Variants in CCDC50 observed in about 807,000 individuals in gnomAD.
CCDC50 encodes the protein coiled-coil domain-containing protein 50.
A neutral mutation model predicts 70.2 loss-of-function variants in CCDC50; 54 were observed. The observed-to-expected ratio is 0.77, with a 90% CI of 0.62 to 0.96. The LOEUF is 0.96. Among genes scored for constraint, CCDC50 ranks in the 50% least tolerant of loss-of-function variants. The pLI is 0.00. For missense variants in CCDC50, 558 were observed against 578.7 expected (o/e 0.96, Z 0.37); for synonymous variants, 216 against 198.8 (o/e 1.09, Z -0.73).
At chr3:191,349,966 A>ACCCCCCCCC (rs11454979) in intron 1 of CCDC50, among the ~76,000 whole-genome samples, 48 of 105,608 alleles carry the variant, frequency 4.5e-4, no homozygotes, top group Non-Finnish European at 7.1e-4. Context: ...ATTTAATAAT[A>ACCCCCCCCC]CCCCCCCCCT....
chr3:191,355,286 T>G (rs974898885), intron 1 of CCDC50, among the ~76,000 whole-genome samples: 1 of 152,234 alleles, frequency 6.6e-6, no homozygotes, highest in Non-Finnish European at 1.5e-5. Flanking sequence ...TAAAATAACA[T>G]TCTTTACACA....
At chr3:191,364,350 A>G (rs932610419) in intron 4 of CCDC50, among the ~76,000 whole-genome samples, 1 of 151,090 alleles carries the variant, frequency 6.6e-6, no homozygotes, top group Admixed American at 6.6e-5. Context: ...TATAGGTACG[A>G]GCCACCGCGC....
rs182909660 is a variant in CCDC50 at position 191,354,200 on chromosome 3, C to A, written c.50-2888C>A. ...AAACCCATGAACCTACCACCCACATCAAATGTTAATATTTTGCCTTATTGT... is the reference window on the plus strand; with the variant it reads ...AAACCCATGAACCTACCACCCACATAAAATGTTAATATTTTGCCTTATTGT... On this transcript the variant is annotated intron_variant, in intron 1 of 11. Coordinates refer to ENST00000392455, the MANE Select transcript of CCDC50 (RefSeq NM_178335.3). Among the ~76,000 whole-genome samples the A allele has an allele frequency of 1.0e-3, 153 of 152,306 alleles. 1 individual carries two copies. The highest frequency in any genetic ancestry group is 3.4e-3 in the Middle Eastern group (1 of 294).
chr3:191,380,586 C>T, intron 7 of CCDC50, 101 bp from the exon 8 acceptor site: 1 of 1,135,026 alleles, frequency 8.8e-7, no homozygotes, highest in South Asian at 1.3e-5. Flanking sequence ...GAACATGAGT[C>T]ACAATTATTT....
In CCDC50 at chr3:191,395,236, T is replaced by C. The variant is rs1009112534; in HGVS notation, c.*3476T>C. The C allele has an allele frequency of 2.0e-5, 3 of 152,130 alleles. No homozygotes were observed. Among genetic ancestry groups the C allele is most frequent in the South Asian group, 4.1e-4 (2 of 4,830 alleles). The allele number at this position is 152,130 out of a possible 1,614,324, so 9.4% of individuals were successfully genotyped here. On this transcript the variant is annotated 3_prime_UTR_variant, in exon 12 of 12. Transcript: ENST00000392455. ...TCCTGAAGCTGAGCTAGATGATGAGTAAATTCTTTGCTGACTGTTGCTCAT... is the reference window on the plus strand; with the variant it reads ...TCCTGAAGCTGAGCTAGATGATGAGCAAATTCTTTGCTGACTGTTGCTCAT...
At chr3:191,329,896 G>A (rs997758477) in intron 1 of CCDC50, among the ~76,000 whole-genome samples, 173 bp downstream of exon 1, 1 of 147,488 alleles carries the variant, frequency 6.8e-6, no homozygotes, top group Non-Finnish European at 1.5e-5. Context: ...TGGGACGTTG[G>A]GCAAGTCTCC....
chr3:191,393,846 C>A lies in CCDC50; in HGVS notation c.*2086C>A, dbSNP rs1713774418. 6.6e-6 allele frequency: 1 copy of A among 152,024 alleles called. No homozygotes were observed. The highest frequency in any genetic ancestry group is 6.5e-5 in the Admixed American group (1 of 15,274). 9.4% of individuals were successfully genotyped at this position (152,024 alleles called of 1,614,324 possible). ...CCCTGTGATTTCGCTTCGTGTCCTTCAAAGTTTTTTTATTGTAATTTTAAA... is the reference window on the plus strand; with the variant it reads ...CCCTGTGATTTCGCTTCGTGTCCTTAAAAGTTTTTTTATTGTAATTTTAAA... On this transcript the variant is annotated 3_prime_UTR_variant, in exon 12 of 12. Transcript: ENST00000392455.
At chr3:191,387,024 TTAA>T (rs1713520446) in intron 10 of CCDC50, among the ~76,000 whole-genome samples, 1 of 152,246 alleles carries the variant, frequency 6.6e-6, no homozygotes, top group South Asian at 2.1e-4. Flanking sequence ...TGCATTCTTA[TTAA>T]TGTGAAATAC....
At position 191,380,723 on chromosome 3, in the gene CCDC50, C is replaced by A; in HGVS notation, c.1129C>A (p.Gln377Lys). 1 of 1,612,616 alleles carries A rather than the reference C, an allele frequency of 6.2e-7. No individual in the cohort carries two copies. Among genetic ancestry groups the A allele is most frequent in the Non-Finnish European group, 8.5e-7 (1 of 1,179,196 alleles). ...GGACATGAGAGCCGCTCAAGTAGCT[C>A]AAGATGAAGTAAGTTAATGAGTTTA... The part of the protein sequence containing the change: ...QVDMRAAQVA[Q>K]DEEIARLLMA... Residue 377 changes from glutamine (Q) to lysine (K), a missense_variant, in exon 8 of 12, where the codon CAA becomes AAA. Coordinates refer to ENST00000392455, the MANE Select transcript of CCDC50 (RefSeq NM_178335.3).
In CCDC50 at chr3:191,393,494, C is replaced by T. The variant is rs917899222; in HGVS notation, c.*1734C>T. Reference sequence around the variant, plus strand: ...TTTCTCAGAGTGGATTTGGGTCTCTCATTTGAGAAAGATTTGTAGTTTCAA... The same window carrying T: ...TTTCTCAGAGTGGATTTGGGTCTCTTATTTGAGAAAGATTTGTAGTTTCAA... On this transcript the variant is annotated 3_prime_UTR_variant, in exon 12 of 12. Transcript: ENST00000392455. The T allele has an allele frequency of 2.6e-5, 4 of 152,202 alleles. No individual in the cohort carries two copies. Among genetic ancestry groups the T allele is most frequent in the Admixed American group, 1.3e-4 (2 of 15,288 alleles). 9.4% of individuals were successfully genotyped at this position (152,202 alleles called of 1,614,324 possible).
intron 4 of CCDC50, 128 bp downstream of exon 4, chr3:191,361,287 G>A: frequency 1.4e-6 from 1 of 714,538 alleles, no homozygotes; most frequent in Non-Finnish European, 2.6e-6. Flanking sequence ...TCTTATTTGG[G>A]CTGCATTTTC....
rs1199973008 is a variant in CCDC50 at position 191,396,187 on chromosome 3, T to C, written c.*4427T>C. Reference sequence around the variant, plus strand: ...GTCACTTTTACAATGAGACCTGCACTTTATGCCAGCACTGTTTGTGAGGAG... The same window carrying C: ...GTCACTTTTACAATGAGACCTGCACCTTATGCCAGCACTGTTTGTGAGGAG... On this transcript the variant is annotated 3_prime_UTR_variant, in exon 12 of 12. Coordinates refer to ENST00000392455, the MANE Select transcript of CCDC50 (RefSeq NM_178335.3). 1.3e-5 allele frequency: 2 copies of C among 152,206 alleles called. No individual in the cohort carries two copies. Among genetic ancestry groups the C allele is most frequent in the Non-Finnish European group, 2.9e-5 (2 of 68,014 alleles). 9.4% of individuals were successfully genotyped at this position (152,206 alleles called of 1,614,324 possible).
intron 1 of CCDC50, among the ~76,000 whole-genome samples, chr3:191,339,611 A>G (rs1034395282): frequency 2.6e-5 from 4 of 152,226 alleles, no homozygotes; most frequent in African/African-American, 9.6e-5. Context: ...GCAGATGAAC[A>G]TAAAAAATTT....
intron 5 of CCDC50, among the ~76,000 whole-genome samples, chr3:191,374,680 A>G (rs1202073028): frequency 6.6e-6 from 1 of 152,224 alleles, no homozygotes; most frequent in African/African-American, 2.4e-5. Flanking sequence ...TTTGTTTTAC[A>G]AGATTCCTCA....
Position 191,382,840 on chromosome 3 carries a change from G to GA in CCDC50, c.1322+19dup. ...AGGCCAGCACGGTAAGCTGACACCT[G>GA]AAAAGAAAAATGAGGAAGTTGACTT... On this transcript the variant is annotated intron_variant, in intron 10 of 11. Transcript: ENST00000392455. The GA allele has an allele frequency of 6.3e-7, 1 of 1,587,956 alleles. No individual in the cohort carries two copies. The highest frequency in any genetic ancestry group is 2.2e-5 in the East Asian group (1 of 44,698).
At chr3:191,384,907 A>G (rs774522266) in intron 10 of CCDC50, among the ~76,000 whole-genome samples, 30 of 152,170 alleles carry the variant, frequency 2.0e-4, no homozygotes, top group Non-Finnish European at 3.7e-4. Flanking sequence ...TATAAGTGAG[A>G]ACATACAATA....
intron 1 of CCDC50, among the ~76,000 whole-genome samples, chr3:191,331,144 G>A (rs905793261): frequency 5.3e-5 from 8 of 152,102 alleles, no homozygotes; most frequent in Non-Finnish European, 7.4e-5. Flanking sequence ...TTTTGTGTGG[G>A]TATGTGTTGG....
intron 1 of CCDC50, among the ~76,000 whole-genome samples, chr3:191,336,607 AC>A (rs1044570505): frequency 6.6e-6 from 1 of 152,042 alleles, no homozygotes; most frequent in African/African-American, 2.4e-5. Context: ...GCTTTTAAAA[AC>A]CTTAGTTCAA....
At chr3:191,364,353 C>G (rs1175589968) in intron 4 of CCDC50, among the ~76,000 whole-genome samples, 1 of 151,508 alleles carries the variant, frequency 6.6e-6, no homozygotes, top group African/African-American at 2.4e-5. Context: ...AGGTACGAGC[C>G]ACCGCGCCCG....
Sources: allele counts gnomAD v4.1 joint callset (sites outside exome capture counted in the v4.1 genomes callset), GRCh38; gene constraint gnomAD v4.1.1; transcripts MANE v1.5; gene names NCBI Gene and HGNC (gene_info 2026-07-23, HGNC 2026-07-21).